Variants in CNTNAP2 observed in about 807,000 individuals in gnomAD.
CNTNAP2 encodes the protein contactin-associated protein-like 2.
Under a neutral mutation model 155.2 loss-of-function variants are expected in CNTNAP2, and 98 were observed. The observed-to-expected ratio is 0.63, with a 90% CI of 0.54 to 0.75. CNTNAP2 has a LOEUF of 0.75. Among genes scored for constraint, CNTNAP2 ranks in the 30% least tolerant of loss-of-function variants. The pLI, the probability that CNTNAP2 is intolerant of heterozygous loss-of-function variation, is 0.00. For missense variants in CNTNAP2, 1,727 were observed against 1,688.1 expected (o/e 1.02, Z -0.40); for synonymous variants, 651 against 631.2 (o/e 1.03, Z -0.47).
chr7:146,680,600 A>T (rs1479476433), intron 1 of CNTNAP2, among the ~76,000 whole-genome samples: 1 of 152,200 alleles, frequency 6.6e-6, no homozygotes, highest in Non-Finnish European at 1.5e-5. Context: ...ATTTATGAAA[A>T]AATACAAACC....
chr7:146,908,592 T>C (rs1796199323), intron 3 of CNTNAP2, among the ~76,000 whole-genome samples: 1 of 131,512 alleles, frequency 7.6e-6, no homozygotes, highest in Non-Finnish European at 1.6e-5. Flanking sequence ...AAAGATGTTC[T>C]TTGAAACCAA....
intron 1 of CNTNAP2, among the ~76,000 whole-genome samples, chr7:146,686,409 G>A (rs1163436205): frequency 3.3e-5 from 5 of 152,064 alleles, no homozygotes; most frequent in Admixed American, 6.5e-5. Context: ...GGCTACTTCC[G>A]AAATTTCAAT....
intron 1 of CNTNAP2, among the ~76,000 whole-genome samples, chr7:146,135,213 A>G (rs1797779571): frequency 6.6e-6 from 1 of 152,042 alleles, no homozygotes; most frequent in African/African-American, 2.4e-5. Context: ...ACTTTAGAGG[A>G]AGAAAATTTT....
At chr7:147,540,594 G>A (rs1799621652) in intron 11 of CNTNAP2, among the ~76,000 whole-genome samples, 1 of 152,074 alleles carries the variant, frequency 6.6e-6, no homozygotes, top group African/African-American at 2.4e-5. Flanking sequence ...TATAAAAAGG[G>A]AAACAAGGAG....
In CNTNAP2 at chr7:147,472,204, C is replaced by CTTTTTTTTTTTTTTTTTTTTTTT. The variant is rs542047274; in HGVS notation, c.1671-13727_1671-13705dup. Among the ~76,000 whole-genome samples the CTTTTTTTTTTTTTTTTTTTTTTT allele has an allele frequency of 5.6e-4, 45 of 81,062 alleles. 1 individual carries two copies. The highest frequency in any genetic ancestry group is 2.2e-3 in the African/African-American group (42 of 19,360). 53.2% of individuals were successfully genotyped at this position (81,062 alleles called of 152,430 possible). A position where few individuals can be genotyped will look rare whatever the true frequency, so the allele number is the denominator to read the frequency against. ...ATCCATTGAAGTTTTTCTTTTTTTC[C>CTTTTTTTTTTTTTTTTTTTTTTT]TTTTTTTTTTTTTTTTTTTTTTTTT... On this transcript the variant is annotated intron_variant, in intron 10 of 23. Transcript: ENST00000361727.
At chr7:146,813,114 AG>A in intron 2 of CNTNAP2, among the ~76,000 whole-genome samples, 1 of 152,316 alleles carries the variant, frequency 6.6e-6, no homozygotes, top group East Asian at 1.9e-4. Context: ...CTGCCAGATC[AG>A]TGTGGAAGGA....
At chr7:146,550,413 T>G (rs947565361) in intron 1 of CNTNAP2, among the ~76,000 whole-genome samples, 1 of 117,120 alleles carries the variant, frequency 8.5e-6, no homozygotes, top group South Asian at 3.3e-4. Context: ...TTTTTTTTTT[T>G]TTTTTTTTTT....
intron 1 of CNTNAP2, among the ~76,000 whole-genome samples, chr7:146,144,814 T>C (rs2116763611): frequency 6.6e-6 from 1 of 152,342 alleles, no homozygotes; most frequent in South Asian, 2.1e-4. Flanking sequence ...TCAACTTTTC[T>C]ATTAACAGCT....
intron 1 of CNTNAP2, among the ~76,000 whole-genome samples, chr7:146,687,769 A>G (rs1000597658): frequency 6.6e-6 from 1 of 152,198 alleles, no homozygotes; most frequent in African/African-American, 2.4e-5. Flanking sequence ...AGGAGGGGCG[A>G]AGAGAGAGAC....
At chr7:147,082,911 A>G (rs1800166430) in intron 4 of CNTNAP2, 1 of 151,996 alleles carries the variant, frequency 6.6e-6, no homozygotes. Context: ...AGATGGCCAC[A>G]CCCTTTCAGT....
At chr7:148,211,320 C>T (rs10238511) in intron 18 of CNTNAP2, among the ~76,000 whole-genome samples, 1,854 of 152,170 alleles carry the variant, frequency 0.012, 36 homozygotes, top group African/African-American at 0.041. Flanking sequence ...GCGCATTGGG[C>T]GACAGAAAGG....
intron 13 of CNTNAP2, among the ~76,000 whole-genome samples, chr7:147,717,572 C>T (rs927288399): frequency 2.0e-5 from 3 of 152,136 alleles, no homozygotes; most frequent in South Asian, 4.2e-4. Flanking sequence ...TTAGAATTTA[C>T]GGTGAGTTAT....
chr7:146,615,142 T>G lies in CNTNAP2; in HGVS notation c.98-159129T>G, dbSNP rs139254377. Among the ~76,000 whole-genome samples the G allele has an allele frequency of 2.8e-3, 429 of 152,316 alleles. 3 individuals are homozygous for G. The highest frequency in any genetic ancestry group is 9.5e-3 in the African/African-American group (394 of 41,564). On this transcript the variant is annotated intron_variant, in intron 1 of 23. Coordinates refer to ENST00000361727, the MANE Select transcript of CNTNAP2 (RefSeq NM_014141.6). ...TGTATCCTCTGCCTAGCTTACTTGA[T>G]CTCTTTTAGTCAGCACAGCTGTGTG...
chr7:147,886,357 C>A (rs979929297), intron 13 of CNTNAP2, among the ~76,000 whole-genome samples: 1 of 151,616 alleles, frequency 6.6e-6, no homozygotes, highest in Non-Finnish European at 1.5e-5. Flanking sequence ...CACCTGTAAT[C>A]CCAGCTACTT....
chr7:148,221,059 T>A (rs1168096556), intron 19 of CNTNAP2, among the ~76,000 whole-genome samples: 3 of 152,096 alleles, frequency 2.0e-5, no homozygotes, highest in Non-Finnish European at 4.4e-5. Context: ...TCAACTGTAT[T>A]CGCTACCTCA....
intron 21 of CNTNAP2, among the ~76,000 whole-genome samples, chr7:148,371,210 A>C (rs1798881328): frequency 6.6e-6 from 1 of 152,158 alleles, no homozygotes; most frequent in African/African-American, 2.4e-5. Flanking sequence ...AACTGGAAAA[A>C]AAAATCCAGT....
At position 147,435,823 on chromosome 7, in the gene CNTNAP2, G is replaced by C. The variant is rs114925766; in HGVS notation, c.1670+40043G>C. Among the ~76,000 whole-genome samples, 1,300 of 152,252 alleles carry C rather than the reference G, an allele frequency of 8.5e-3. 21 individuals carry two copies. Among genetic ancestry groups the C allele is most frequent in the African/African-American group, 0.03 (1,246 of 41,550 alleles). On this transcript the variant is annotated intron_variant, in intron 10 of 23. Transcript: ENST00000361727. ...TAGAATAGGAATAATAGCACCTATTGCTAGTATTGCTATTAGGATTTTCAA... is the reference window on the plus strand; with the variant it reads ...TAGAATAGGAATAATAGCACCTATTCCTAGTATTGCTATTAGGATTTTCAA...
At chr7:148,342,248 A>C (rs1054584989) in intron 21 of CNTNAP2, among the ~76,000 whole-genome samples, 1 of 152,212 alleles carries the variant, frequency 6.6e-6, no homozygotes, top group African/African-American at 2.4e-5. Context: ...GTCAGAAATG[A>C]TGACCATTCT....
At chr7:148,169,172 C>T (rs1156413169) in intron 17 of CNTNAP2, among the ~76,000 whole-genome samples, 1 of 151,964 alleles carries the variant, frequency 6.6e-6, no homozygotes, top group Non-Finnish European at 1.5e-5. Flanking sequence ...CACAAAGAAA[C>T]AAAAAATAAG....
Sources: allele counts gnomAD v4.1 joint callset (sites outside exome capture counted in the v4.1 genomes callset), GRCh38; gene constraint gnomAD v4.1.1; transcripts MANE v1.5; gene names NCBI Gene and HGNC (gene_info 2026-07-23, HGNC 2026-07-21).